Variants in MAST2 observed in about 807,000 individuals in gnomAD.
MAST2 encodes microtubule-associated serine/threonine-protein kinase 2.
In MAST2, 70 loss-of-function variants were observed where a neutral mutation model predicts 147.4. The observed-to-expected ratio is 0.47, with a 90% CI of 0.39 to 0.58. MAST2 has a LOEUF of 0.58. MAST2 is among the 20% of genes least tolerant of loss of function. The pLI, the probability that MAST2 is intolerant of heterozygous loss-of-function variation, is 0.00. For synonymous variants in MAST2, 869 were observed against 896.8 expected, an observed-to-expected ratio of 0.97 and a Z score of 0.55; for missense variants, 2,080 against 2,302.3, an observed-to-expected ratio of 0.90 and a Z score of 1.98.
intron 4 of MAST2, among the ~76,000 whole-genome samples, chr1:45,888,009 G>A (rs1388010422): frequency 1.3e-5 from 2 of 152,198 alleles, no homozygotes; most frequent in African/African-American, 2.4e-5. Flanking sequence ...AGTTGTTGGC[G>A]AGCTTTACCT....
At chr1:45,862,235 AC>A (rs1265996820) in intron 3 of MAST2, among the ~76,000 whole-genome samples, 2 of 152,214 alleles carry the variant, frequency 1.3e-5, no homozygotes, top group South Asian at 2.1e-4. Flanking sequence ...AATCATTCAT[AC>A]ATGTTTCATA....
intron 4 of MAST2, among the ~76,000 whole-genome samples, chr1:45,955,402 A>T (rs1659515407): frequency 6.6e-6 from 1 of 152,142 alleles, no homozygotes; most frequent in Non-Finnish European, 1.5e-5. Context: ...TTTAAAATTT[A>T]TATTATTTTA....
rs1658791109 is a variant in MAST2, at chr1:45,950,642, T to G, written c.501-8744T>G. 1.3e-5 allele frequency among the ~76,000 whole-genome samples: 2 copies of G among 152,150 alleles called. 1 individual carries two copies. Among genetic ancestry groups the G allele is most frequent in the South Asian group, 4.1e-4 (2 of 4,826 alleles). On this transcript the variant is annotated intron_variant, in intron 4 of 28. Transcript: ENST00000361297. The stretch of plus-strand genomic sequence containing the variant: ...AAACAAACTTAACACTTCTATTAAG[T>G]GACATACCCTCAAATCAGGTATCAT...
In MAST2 at chr1:45,931,362, G is replaced by T. The variant is rs186105434; in HGVS notation, c.501-28024G>T. Among the ~76,000 whole-genome samples the T allele has an allele frequency of 4.5e-3, 653 of 144,930 alleles. 9 individuals carry two copies. The highest frequency in any genetic ancestry group is 3.4e-3 in the Non-Finnish European group (226 of 67,016). The stretch of plus-strand genomic sequence containing the variant: ...CCTTTGGCAGAAATATCACAAAAAG[G>T]TGGTATTGTGTTCTGTTTTTTTTTT... On this transcript the variant is annotated intron_variant, in intron 4 of 28. Coordinates refer to ENST00000361297, the MANE Select transcript of MAST2 (RefSeq NM_015112.3).
intron 16 of MAST2, among the ~76,000 whole-genome samples, chr1:46,026,725 G>A (rs1646429973): frequency 1.3e-5 from 2 of 152,012 alleles, no homozygotes; most frequent in Admixed American, 1.3e-4. Flanking sequence ...GGGAAGTGAG[G>A]GAACAGAAGA....
At chr1:45,984,344 A>G (rs921718012) in intron 5 of MAST2, among the ~76,000 whole-genome samples, 3 of 151,390 alleles carry the variant, frequency 2.0e-5, no homozygotes, top group Admixed American at 6.6e-5. Flanking sequence ...CATTCTTTCA[A>G]CTAGGCTACA....
intron 3 of MAST2, among the ~76,000 whole-genome samples, chr1:45,835,169 G>A (rs1645067700): frequency 6.6e-6 from 1 of 151,996 alleles, no homozygotes; most frequent in Admixed American, 6.6e-5. Flanking sequence ...ATTGTCAAGT[G>A]TTACATACAT....
chr1:45,866,271 C>T lies in MAST2; in HGVS notation c.469-16093C>T, dbSNP rs1230981004. Among the ~76,000 whole-genome samples the T allele has an allele frequency of 2.6e-5, 4 of 152,220 alleles. No homozygotes were observed. In the East Asian group the frequency reaches 5.8e-4, roughly 22 times the overall value. ...TGACCTGGGCTTTAAAAGTCAATAA[C>T]ATAAACTCCAGCGCCTTATACTAAT... On this transcript the variant is annotated intron_variant, in intron 3 of 28. Transcript: ENST00000361297.
At chr1:45,869,849 C>CT (rs1455882029) in intron 3 of MAST2, among the ~76,000 whole-genome samples, 13 of 152,118 alleles carry the variant, frequency 8.5e-5, no homozygotes, top group African/African-American at 2.7e-4. Flanking sequence ...AGACCTCCAC[C>CT]TTTTTTTAGC....
At chr1:45,830,334 C>T (rs1644918047) in intron 3 of MAST2, among the ~76,000 whole-genome samples, 1 of 151,540 alleles carries the variant, frequency 6.6e-6, no homozygotes, top group Non-Finnish European at 1.5e-5. Context: ...GCCACCATAC[C>T]CCGCTAGTTT....
intron 7 of MAST2, among the ~76,000 whole-genome samples, chr1:46,005,095 G>C (rs1330272196): frequency 1.3e-5 from 2 of 152,220 alleles, no homozygotes; most frequent in South Asian, 2.1e-4. Flanking sequence ...GGGCGCGGTG[G>C]CTCACGCCTG....
chr1:45,958,579 C>T (rs1006368609), intron 4 of MAST2, among the ~76,000 whole-genome samples: 1 of 148,034 alleles, frequency 6.8e-6, no homozygotes, highest in Non-Finnish European at 1.5e-5. Context: ...TCTTTCTGTT[C>T]TTTCTTCCTC....
intron 3 of MAST2, among the ~76,000 whole-genome samples, chr1:45,837,248 G>A (rs1382575276): frequency 6.6e-6 from 1 of 152,150 alleles, no homozygotes. Context: ...GCCACCCCAA[G>A]TTCGCTTGTG....
chr1:45,976,706 A>G (rs1374047079), intron 5 of MAST2, among the ~76,000 whole-genome samples: 1 of 152,254 alleles, frequency 6.6e-6, no homozygotes, highest in Non-Finnish European at 1.5e-5. Flanking sequence ...TTGGAAGACC[A>G]GTTAAGAGGC....
intron 1 of MAST2, among the ~76,000 whole-genome samples, chr1:45,811,733 C>G (rs1227640889): frequency 2.1e-5 from 3 of 145,678 alleles, no homozygotes; most frequent in East Asian, 4.1e-4. Flanking sequence ...TCCCGGGTTC[C>G]CGCCGTTCTC....
intron 5 of MAST2, 46 bp downstream of exon 5, chr1:45,959,523 A>G: frequency 6.7e-7 from 1 of 1,494,140 alleles, no homozygotes; most frequent in African/African-American, 1.4e-5. Flanking sequence ...GAGTGGCCAC[A>G]GATGCCCAAT....
At chr1:45,969,794 T>C (rs894977085) in intron 5 of MAST2, among the ~76,000 whole-genome samples, 2 of 152,182 alleles carry the variant, frequency 1.3e-5, no homozygotes, top group Admixed American at 6.5e-5. Flanking sequence ...TGAATTATCC[T>C]GTAAACCCCT....
chr1:45,999,561 G>GT (rs1413113917), intron 6 of MAST2, among the ~76,000 whole-genome samples: 2 of 152,184 alleles, frequency 1.3e-5, no homozygotes, highest in African/African-American at 4.8e-5. Flanking sequence ...TGGGTGCTTA[G>GT]TTATGTAGTG....
At chr1:46,009,211 C>A (rs191549639) in intron 9 of MAST2, among the ~76,000 whole-genome samples, 2 of 152,096 alleles carry the variant, frequency 1.3e-5, no homozygotes, top group Non-Finnish European at 2.9e-5. Flanking sequence ...TGCGCCACCA[C>A]GCCCGGCTAA....
Sources: allele counts gnomAD v4.1 joint callset (sites outside exome capture counted in the v4.1 genomes callset), GRCh38; gene constraint gnomAD v4.1.1; transcripts MANE v1.5; gene names NCBI Gene and HGNC (gene_info 2026-07-23, HGNC 2026-07-21).